CPEB3: variants seen among roughly 807,000 people sequenced by gnomAD.
The protein encoded by CPEB3 is cytoplasmic polyadenylation element binding protein 3, also known as cytoplasmic polyadenylation element-binding protein 3.
A neutral mutation model predicts 67.2 loss-of-function variants in CPEB3; 20 were observed. The ratio of observed to expected loss-of-function variants is 0.30; its 90% CI spans 0.21 to 0.43. The LOEUF (loss-of-function observed/expected upper bound fraction) is 0.43, where lower values mean the gene tolerates loss of function less well. CPEB3 is among the 20% of genes least tolerant of loss of function. The probability of loss-of-function intolerance (pLI) is 1.00; values close to 1 mark genes in which losing one functional copy is unlikely to be tolerated. For synonymous variants in CPEB3, 376 were observed against 393.1 expected, an observed-to-expected ratio of 0.96 and a Z score of 0.51; for missense variants, 746 against 968.6, an observed-to-expected ratio of 0.77 and a Z score of 3.05.
chr10:92,131,936 T>G (rs1258574463), intron 6 of CPEB3, among the ~76,000 whole-genome samples: 2 of 152,172 alleles, frequency 1.3e-5, no homozygotes, highest in African/African-American at 4.8e-5. Flanking sequence ...CATATGTAAT[T>G]AAAATTTTTC....
chr10:92,078,024 G>C (rs914749326), intron 9 of CPEB3, among the ~76,000 whole-genome samples: 2 of 152,086 alleles, frequency 1.3e-5, no homozygotes, highest in Admixed American at 6.5e-5. Context: ...TAGCATTCTT[G>C]TGCCCACTGC....
intron 3 of CPEB3, among the ~76,000 whole-genome samples, chr10:92,182,789 G>A (rs1011302716): frequency 3.5e-5 from 5 of 141,488 alleles, no homozygotes; most frequent in African/African-American, 5.4e-5. Flanking sequence ...TTGCGCCACT[G>A]TACTCCAGCC....
intron 6 of CPEB3, among the ~76,000 whole-genome samples, chr10:92,121,698 G>A (rs1845398113): frequency 6.6e-6 from 1 of 151,758 alleles, no homozygotes; most frequent in Non-Finnish European, 1.5e-5. Flanking sequence ...AGCTTGTGGA[G>A]CTGTATCCTG....
chr10:92,192,073 C>T (rs1002442253), intron 3 of CPEB3, among the ~76,000 whole-genome samples: 1 of 152,148 alleles, frequency 6.6e-6, no homozygotes, highest in African/African-American at 2.4e-5. Flanking sequence ...CCTTTATATG[C>T]AGTTTTCTGA....
intron 6 of CPEB3, among the ~76,000 whole-genome samples, chr10:92,134,334 T>G (rs912527714): frequency 2.6e-5 from 4 of 151,972 alleles, no homozygotes; most frequent in African/African-American, 9.7e-5. Flanking sequence ...GGATACAAAA[T>G]CAATATGCAA....
At position 92,239,583 on chromosome 10, in the gene CPEB3, G is replaced by A; in HGVS notation, c.768C>T (p.Ser256=). Residue 256 remains serine (S), a synonymous_variant, in exon 2 of 10, where the codon TCC becomes TCT. Transcript: ENST00000265997. The surrounding 1 kb of genome is among the most constrained non-coding windows in gnomAD (Gnocchi z 6.0). ...QSVNAAWSAP[S]NPWGGLQAGR... ...CCGCCTGCAGGCCGCCCCAGGGGTT[G>A]GACGGTGCGCTCCAGGCTGCATTCA... is the stretch of plus-strand genomic sequence containing the variant. 1.3e-6 allele frequency: 2 copies of A among 1,554,866 alleles called. No homozygotes were observed. Among genetic ancestry groups the A allele is most frequent in the South Asian group, 1.2e-5 (1 of 84,534 alleles).
At chr10:92,115,508 T>G (rs1327196569) in intron 6 of CPEB3, among the ~76,000 whole-genome samples, 6 of 152,238 alleles carry the variant, frequency 3.9e-5, no homozygotes. Context: ...AATGAACGAT[T>G]TATATTGGTG....
chr10:92,143,091 A>T lies in CPEB3; in HGVS notation c.1391T>A (p.Phe464Tyr). 1 of 1,613,652 alleles carries T rather than the reference A, an allele frequency of 6.2e-7. No individual in the cohort carries two copies. Among genetic ancestry groups the T allele is most frequent in the Non-Finnish European group, 8.5e-7 (1 of 1,179,758 alleles). The change falls in exon 6 of 10, where the codon TTT becomes TAT. Residue 464 changes from phenylalanine (F) to tyrosine (Y), a missense_variant. Around this residue, in one of 2 missense-constraint regions of CPEB3, gnomAD observed 643 missense variants for 717.5 expected, o/e 0.90. Coordinates refer to ENST00000265997, the MANE Select transcript of CPEB3 (RefSeq NM_014912.5). Reference protein sequence around the residue: ...EDEITASFRRFGPLVVDWPHK... With the variant: ...EDEITASFRRYGPLVVDWPHK... ...AGGCCAGTCTACTACGAGAGGTCCA[A>T]ACCTGCGAAAGCTGGCAGTGATCTC...
chr10:92,165,375 G>A (rs1847687709), intron 4 of CPEB3, among the ~76,000 whole-genome samples: 1 of 148,872 alleles, frequency 6.7e-6, no homozygotes. Flanking sequence ...GATCATCTGT[G>A]CATTCAGCAA....
intron 3 of CPEB3, among the ~76,000 whole-genome samples, chr10:92,191,230 C>T (rs554224102): frequency 6.6e-6 from 1 of 151,778 alleles, no homozygotes; most frequent in East Asian, 1.9e-4. Flanking sequence ...GATGAAATCC[C>T]ATCTCTATTA....
intron 6 of CPEB3, among the ~76,000 whole-genome samples, chr10:92,140,290 A>G (rs1461115317): frequency 2.0e-5 from 3 of 152,208 alleles, no homozygotes; most frequent in Admixed American, 1.3e-4. Context: ...AGAGATATAG[A>G]TCAATGGAAC....
intron 4 of CPEB3, among the ~76,000 whole-genome samples, chr10:92,168,260 C>A (rs991309907): frequency 1.3e-4 from 20 of 152,264 alleles, no homozygotes; most frequent in African/African-American, 3.4e-4. Context: ...TGTTTCACTG[C>A]TTTCAATATC....
intron 3 of CPEB3, among the ~76,000 whole-genome samples, chr10:92,186,748 G>A (rs1338310033): frequency 2.6e-5 from 4 of 152,080 alleles, no homozygotes; most frequent in Non-Finnish European, 5.9e-5. Flanking sequence ...AAAAACTCAG[G>A]TAATTTAAAT....
At chr10:92,230,613 A>C (rs1851221238) in intron 2 of CPEB3, among the ~76,000 whole-genome samples, 1 of 152,220 alleles carries the variant, frequency 6.6e-6, no homozygotes. Context: ...AAATATTGGA[A>C]TGGTTTCACA....
At chr10:92,232,757 C>CAAAAAAAAA (rs370945253) in intron 2 of CPEB3, among the ~76,000 whole-genome samples, 1 of 122,068 alleles carries the variant, frequency 8.2e-6, no homozygotes, top group African/African-American at 3.1e-5. Context: ...AACTCCATCT[C>CAAAAAAAAA]AAAAAAAAAA....
intron 8 of CPEB3, among the ~76,000 whole-genome samples, chr10:92,089,259 GA>G (rs1843510402): frequency 6.6e-6 from 1 of 152,126 alleles, no homozygotes; most frequent in South Asian, 2.1e-4. Context: ...AAAAGTTGCA[GA>G]TGTTAACTTT....
At chr10:92,217,047 A>AT (rs1457352995) in intron 2 of CPEB3, among the ~76,000 whole-genome samples, 31 of 150,382 alleles carry the variant, frequency 2.1e-4, no homozygotes, top group African/African-American at 7.1e-4. Context: ...ACTAAAAAAA[A>AT]AAAAAAAAAA....
At chr10:92,221,826 GGAGA>G (rs370929461) in intron 2 of CPEB3, among the ~76,000 whole-genome samples, 3 of 151,144 alleles carry the variant, frequency 2.0e-5, no homozygotes, top group Admixed American at 1.3e-4. Flanking sequence ...CTTAAAAGAG[GGAGA>G]GAGAGAGAGA....
At chr10:92,289,935 G>A (rs898770922) in intron 1 of CPEB3, among the ~76,000 whole-genome samples, 5 of 126,322 alleles carry the variant, frequency 4.0e-5, no homozygotes, top group Non-Finnish European at 6.5e-5. Context: ...TGGTGGGGGG[G>A]GGTGGGTGCT....
Sources: gnomAD v4.1 joint callset for allele counts (sites outside exome capture counted in the v4.1 genomes callset) on GRCh38, gnomAD v4.1.1 for gene constraint, gnomAD v4.1.1 regional missense constraint, Gnocchi (gnomAD v3.1) non-coding constraint, MANE v1.5 for transcripts, NCBI Gene and HGNC (gene_info 2026-07-23, HGNC 2026-07-21) for gene names.